ZNF483: variants seen among roughly 807,000 people sequenced by gnomAD.
The protein encoded by ZNF483 is zinc finger protein HIT-10.
ZNF483 carries 9 observed loss-of-function variants against 28.6 expected under a neutral mutation model. The observed-to-expected ratio is 0.32, with a 90% CI of 0.19 to 0.55. The LOEUF (loss-of-function observed/expected upper bound fraction) is 0.55. Among genes scored for constraint, ZNF483 ranks in the 20% least tolerant of loss-of-function variants. ZNF483 has a pLI of 0.93. For missense variants in ZNF483, 675 were observed against 871.7 expected (o/e 0.77, Z 2.84); for synonymous variants, 322 against 306.2 (o/e 1.05, Z -0.54).
chr9:111,574,431 C>T lies in ZNF483; in HGVS notation c.722-1934C>T, dbSNP rs1828966944. 3 of 169,424 alleles carry T rather than the reference C, an allele frequency of 1.8e-5. No individual in the cohort carries two copies. The South Asian group carries it at 5.6e-4, about 32-fold the overall frequency. 10.5% of individuals were successfully genotyped at this position (169,424 alleles called of 1,614,324 possible). A position where few individuals can be genotyped will look rare whatever the true frequency, so the allele number is the denominator to read the frequency against. ...GTGGCAGGAACACAGCTCACTGCAG[C>T]CTCGCCTCCCAGGCTCAAGCAATCC... On this transcript the variant is annotated intron_variant, in intron 5 of 5. Coordinates refer to the ZNF483 transcript ENST00000358151.
chr9:111,528,358 A>G (rs1827232114), intron 2 of ZNF483, among the ~76,000 whole-genome samples: 1 of 152,244 alleles, frequency 6.6e-6, no homozygotes, highest in Admixed American at 6.5e-5. Context: ...ACTAGTAACT[A>G]TTTTATAGTG....
intron 5 of ZNF483, among the ~76,000 whole-genome samples, chr9:111,537,605 A>G (rs1827549270): frequency 1.3e-5 from 2 of 151,998 alleles, no homozygotes; most frequent in African/African-American, 4.8e-5. Context: ...AGTGTATAGT[A>G]TGTACTACAG....
rs1042333342 is a variant in ZNF483, at chr9:111,543,340, T to C, written c.*170T>C. ...TCTTCTTTTCAAGGATGGCAACGAC[T>C]GGTAAACAGTAATTAGTTGGTAAAG... On this transcript the variant is annotated 3_prime_UTR_variant, in exon 6 of 6. Transcript: ENST00000309235. 8 of 1,388,256 alleles carry C rather than the reference T, an allele frequency of 5.8e-6. No individual in the cohort carries two copies. The African/African-American group carries it at 1.2e-4, about 20-fold the overall frequency. 86.0% of individuals were successfully genotyped at this position (1,388,256 alleles called of 1,614,324 possible). A position where few individuals can be genotyped will look rare whatever the true frequency, so the allele number is the denominator to read the frequency against.
chr9:111,538,494 A>G (rs930595829), intron 5 of ZNF483, among the ~76,000 whole-genome samples: 11 of 58,860 alleles, frequency 1.9e-4, no homozygotes, highest in African/African-American at 7.0e-4. Context: ...CATCTCTTAG[A>G]AAAAAAAAAA....
chr9:111,560,635 T>C (rs1480111794), intron 5 of ZNF483, among the ~76,000 whole-genome samples: 6 of 36,474 alleles, frequency 1.6e-4, no homozygotes, highest in Non-Finnish European at 2.2e-4. Flanking sequence ...AGACACCATC[T>C]CAAAAAAAAA....
At chr9:111,532,271 C>T (rs906817114) in intron 3 of ZNF483, among the ~76,000 whole-genome samples, 3 of 152,066 alleles carry the variant, frequency 2.0e-5, no homozygotes, top group Non-Finnish European at 4.4e-5. Context: ...GTTGAGGCTG[C>T]AGTGAGCTAT....
At chr9:111,571,400 C>T (rs1828813684) in intron 5 of ZNF483, among the ~76,000 whole-genome samples, 1 of 149,648 alleles carries the variant, frequency 6.7e-6, no homozygotes, top group South Asian at 2.2e-4. Flanking sequence ...CAGAGCGAGA[C>T]TCGGTTTCAA....
intron 5 of ZNF483, among the ~76,000 whole-genome samples, chr9:111,567,104 C>T (rs73535452): frequency 0.1 from 15,718 of 150,946 alleles, 1,223 homozygotes; most frequent in African/African-American, 0.22. Context: ...CAAAAAAAGT[C>T]GGGGGGCGTG....
Position 111,551,788 on chromosome 9 carries a change from T to G in ZNF483, c.*8618T>G, listed in dbSNP as rs1027499759. 5.9e-5 allele frequency among the ~76,000 whole-genome samples: 9 copies of G among 152,218 alleles called. No individual in the cohort carries two copies. The highest frequency in any genetic ancestry group is 1.9e-4 in the African/African-American group (8 of 41,456). On this transcript the variant is annotated 3_prime_UTR_variant, in exon 6 of 6. Coordinates refer to ENST00000309235, the MANE Select transcript of ZNF483 (RefSeq NM_133464.5). ...ATATCTAGGCAAAATTATATCACTT[T>G]CAAAACTTTTTAAGTAAATTCAGTA...
intron 2 of ZNF483, among the ~76,000 whole-genome samples, chr9:111,529,722 A>G (rs772970663): frequency 1.3e-5 from 2 of 152,240 alleles, no homozygotes; most frequent in Non-Finnish European, 2.9e-5. Flanking sequence ...AGATTTTTAT[A>G]TGAGCTAAGA....
chr9:111,542,333 C>G lies in ZNF483; in HGVS notation c.1398C>G (p.Pro466=). The G allele has an allele frequency of 6.2e-7, 1 of 1,613,434 alleles. No homozygotes were observed. The highest frequency in any genetic ancestry group is 8.5e-7 in the Non-Finnish European group (1 of 1,179,832). ...KHRRIHTGEK[P]YMCNECGKAF... is the part of the protein sequence containing the mutation. ...GGAGAATTCACACTGGAGAAAAACC[C>G]TATATGTGTAATGAATGTGGAAAAG... The change falls in exon 6 of 6, where the codon CCC becomes CCG. Residue 466 remains proline, a synonymous_variant. Transcript: ENST00000309235. This position sits in a 1 kb window ranked among gnomAD's most constrained non-coding sequence, Gnocchi z 6.2.
Position 111,542,257 on chromosome 9 carries a change from G to A in ZNF483, c.1322G>A (p.Cys441Tyr), listed in dbSNP as rs756765335. ...GAGAGTGGAGAAAAAACTCATAAAT[G>A]TAGTAAGTGTGGAAAAGCCTTTGGC... ...GNESGEKTHK[C>Y]SKCGKAFGYS... The change falls in exon 6 of 6, where the codon TGT (cysteine) becomes TAT (tyrosine). Residue 441 changes from cysteine to tyrosine, a missense_variant. Cys to Tyr is a radical substitution (Grantham distance 194). This residue lies in a region of ZNF483 where 525 missense variants were observed against 581.8 expected (regional missense o/e 0.90). Coordinates refer to ENST00000309235, the MANE Select transcript of ZNF483 (RefSeq NM_133464.5). The surrounding 1 kb of genome is among the most constrained non-coding windows in gnomAD (Gnocchi z 6.2). The A allele has an allele frequency of 2.5e-6, 4 of 1,614,164 alleles. No homozygotes were observed. Among genetic ancestry groups the A allele is most frequent in the Non-Finnish European group, 2.5e-6 (3 of 1,180,044 alleles).
intron 5 of ZNF483, chr9:111,562,943 G>A: frequency 2.2e-6 from 3 of 1,387,436 alleles, no homozygotes; most frequent in Non-Finnish European, 2.8e-6. Context: ...TGTTGACTTT[G>A]AAACTTCCAT....
At chr9:111,572,545 G>A (rs1328332768) in intron 5 of ZNF483, among the ~76,000 whole-genome samples, 3 of 152,008 alleles carry the variant, frequency 2.0e-5, no homozygotes, top group Admixed American at 6.6e-5. Flanking sequence ...AGCCGAGATC[G>A]TGCCATTGCA....
At chr9:111,576,003 C>T (rs535520195) in intron 5 of ZNF483, among the ~76,000 whole-genome samples, 14 of 151,318 alleles carry the variant, frequency 9.3e-5, no homozygotes, top group Non-Finnish European at 1.8e-4. Flanking sequence ...AAAAAAAATA[C>T]ATAAAAATTA....
Position 111,542,113 on chromosome 9 carries a change from G to T in ZNF483, c.1178G>T (p.Ser393Ile), listed in dbSNP as rs755629254. Residue 393 changes from serine to isoleucine, a missense_variant, in exon 6 of 6, where the codon AGT becomes ATT. By Grantham distance (142) the Ser-to-Ile change is moderately radical (BLOSUM62 -2). Coordinates refer to ENST00000309235, the MANE Select transcript of ZNF483 (RefSeq NM_133464.5). This position sits in a 1 kb window ranked among gnomAD's most constrained non-coding sequence, Gnocchi z 6.2. ...IHLGDRSQKC[S>I]KCGIIFIRRS... ...TTGGGGGATAGGTCCCAAAAATGCAGTAAGTGTGGGATAATCTTTATTAGA... is the reference window on the plus strand; with the variant it reads ...TTGGGGGATAGGTCCCAAAAATGCATTAAGTGTGGGATAATCTTTATTAGA... 1 of 1,614,096 alleles carries T rather than the reference G, an allele frequency of 6.2e-7. No homozygotes were observed. The highest frequency in any genetic ancestry group is 8.5e-7 in the Non-Finnish European group (1 of 1,180,026).
intron 5 of ZNF483, chr9:111,539,623 C>T (rs544972544): frequency 1.5e-4 from 49 of 319,140 alleles, no homozygotes; most frequent in Middle Eastern, 1.1e-3. Context: ...ATTAGCTGGG[C>T]GTGGTGGTAC....
chr9:111,528,466 T>C (rs1383227828), intron 2 of ZNF483, among the ~76,000 whole-genome samples: 1 of 152,222 alleles, frequency 6.6e-6, no homozygotes, highest in South Asian at 2.1e-4. Flanking sequence ...TACGGTGATA[T>C]CATTATAAAA....
Position 111,571,236 on chromosome 9 carries a change from A to T in ZNF483, c.722-5129A>T, listed in dbSNP as rs964048943. 3.4e-5 allele frequency among the ~76,000 whole-genome samples: 5 copies of T among 149,088 alleles called. 1 individual carries two copies. Among genetic ancestry groups the T allele is most frequent in the African/African-American group, 1.2e-4 (5 of 41,304 alleles). ...AGAGCAGCCTGGCCAACATGGTGAA[A>T]CCCTGTCTCTACTAAAAATACAAAA... On this transcript the variant is annotated intron_variant, in intron 5 of 5. Coordinates refer to the ZNF483 transcript ENST00000358151.
Sources: allele counts gnomAD v4.1 joint callset (sites outside exome capture counted in the v4.1 genomes callset), GRCh38; gene constraint gnomAD v4.1.1; regional missense constraint gnomAD v4.1.1; non-coding constraint Gnocchi (gnomAD v3.1); transcripts MANE v1.5; gene names NCBI Gene and HGNC (gene_info 2026-07-23, HGNC 2026-07-21).